Variants in LRRC8B observed in about 807,000 individuals in gnomAD.
LRRC8B encodes the protein volume-regulated anion channel subunit LRRC8B.
LRRC8B carries 23 observed loss-of-function variants against 58.8 expected under a neutral mutation model. The observed-to-expected ratio is 0.39, with a 90% CI of 0.28 to 0.55. The LOEUF (loss-of-function observed/expected upper bound fraction) is 0.55. LRRC8B is among the 20% of genes least tolerant of loss of function. LRRC8B has a pLI of 0.62. For missense variants in LRRC8B, 694 were observed against 936.0 expected (o/e 0.74, Z 3.37); for synonymous variants, 359 against 374.1 (o/e 0.96, Z 0.47).
At chr1:89,545,260 T>TTA (rs1482586352) in intron 1 of LRRC8B, among the ~76,000 whole-genome samples, 1 of 152,240 alleles carries the variant, frequency 6.6e-6, no homozygotes, top group Admixed American at 6.5e-5. Context: ...GGTCAATGAT[T>TTA]TCTGCATTTA....
intron 1 of LRRC8B, among the ~76,000 whole-genome samples, chr1:89,553,661 A>G (rs889737554): frequency 6.6e-6 from 1 of 152,214 alleles, no homozygotes. Context: ...CTGCTTCCTT[A>G]AAATCTAATT....
Position 89,538,710 on chromosome 1 carries a change from G to A in LRRC8B, c.-241+13688G>A, listed in dbSNP as rs893187964. Among the ~76,000 whole-genome samples the A allele has an allele frequency of 1.4e-5, 2 of 147,584 alleles. 1 individual carries two copies. The highest frequency in any genetic ancestry group is 3.0e-5 in the Non-Finnish European group (2 of 65,622). The stretch of plus-strand genomic sequence containing the variant: ...TAAAGGTTTAAATTAGCATCTTCGA[G>A]GTTTTTTTTTGTTTGTTTGTTTGTT... On this transcript the variant is annotated intron_variant, in intron 1 of 5. Transcript: ENST00000330947.
chr1:89,553,151 G>T (rs1057047691), intron 1 of LRRC8B, among the ~76,000 whole-genome samples: 1 of 152,124 alleles, frequency 6.6e-6, no homozygotes, highest in Non-Finnish European at 1.5e-5. Flanking sequence ...TAAAATTTCT[G>T]ACATGTAAAT....
rs757337757 is a variant in LRRC8B, at chr1:89,583,775, G to A, written c.1125G>A (p.Gln375=). The stretch of plus-strand genomic sequence containing the variant: ...CCTTCATCCTTCATCTGGCTGATCA[G>A]TATGATCCTCTTTATTCCAAACGCT... ...DFAFILHLAD[Q]YDPLYSKRFS... is the part of the protein sequence containing the mutation. The change falls in exon 5 of 6, where the codon CAG becomes CAA. Residue 375 remains glutamine (Q), a synonymous_variant. Transcript: ENST00000330947. The surrounding 1 kb of genome is among the most constrained non-coding windows in gnomAD (Gnocchi z 5.2). 6.2e-7 allele frequency: 1 copy of A among 1,614,198 alleles called. No homozygotes were observed. Among genetic ancestry groups the A allele is most frequent in the Non-Finnish European group, 8.5e-7 (1 of 1,180,042 alleles).
chr1:89,531,784 C>T (rs1650152103), intron 1 of LRRC8B, among the ~76,000 whole-genome samples: 1 of 152,166 alleles, frequency 6.6e-6, no homozygotes, highest in African/African-American at 2.4e-5. Flanking sequence ...CAAAATATGT[C>T]AAAGAAGTAT....
Position 89,596,699 on chromosome 1 carries a change from A to G in LRRC8B, c.*3656A>G, listed in dbSNP as rs970397737. ...TGTTGTTTTCCTTCTCCACTCACCT[A>G]CCGCACTAAATTTGATCAGCAATTG... On this transcript the variant is annotated 3_prime_UTR_variant, in exon 6 of 6. Coordinates refer to ENST00000330947, the MANE Select transcript of LRRC8B (RefSeq NM_001369817.2). 1.3e-5 allele frequency: 2 copies of G among 152,112 alleles called. No homozygotes were observed. The highest frequency in any genetic ancestry group is 2.9e-5 in the Non-Finnish European group (2 of 67,996). The allele number at this position is 152,112 out of a possible 1,614,324, so 9.4% of individuals were successfully genotyped here.
intron 3 of LRRC8B, among the ~76,000 whole-genome samples, chr1:89,570,780 C>A (rs1325339843): frequency 6.6e-6 from 1 of 152,136 alleles, no homozygotes; most frequent in African/African-American, 2.4e-5. Flanking sequence ...ATTATGAAAT[C>A]TTTGCCCATG....
intron 5 of LRRC8B, among the ~76,000 whole-genome samples, chr1:89,585,679 C>T (rs1373715351): frequency 2.6e-5 from 4 of 152,010 alleles, no homozygotes; most frequent in South Asian, 2.1e-4. Flanking sequence ...CGTGGTGGCA[C>T]GGACCTGAAG....
At chr1:89,590,006 T>C (rs1654879630) in intron 5 of LRRC8B, among the ~76,000 whole-genome samples, 1 of 152,220 alleles carries the variant, frequency 6.6e-6, no homozygotes, top group Non-Finnish European at 1.5e-5. Flanking sequence ...TTTTGTAGTT[T>C]ATCATATAGC....
At chr1:89,582,563 T>A (rs1426054084) in intron 4 of LRRC8B, 62 bp from the exon 5 acceptor site, 1 of 945,256 alleles carries the variant, frequency 1.1e-6, no homozygotes, top group Non-Finnish European at 1.6e-6. Flanking sequence ...GTATGAATAT[T>A]AGAGTAAAAT....
intron 1 of LRRC8B, among the ~76,000 whole-genome samples, chr1:89,533,746 A>G (rs922174755): frequency 2.6e-5 from 4 of 152,316 alleles, no homozygotes; most frequent in Middle Eastern, 3.4e-3. Context: ...CGTACATGGC[A>G]TACCGTGGGC....
intron 1 of LRRC8B, among the ~76,000 whole-genome samples, chr1:89,551,492 A>G (rs982756355): frequency 6.6e-6 from 1 of 152,070 alleles, no homozygotes; most frequent in Non-Finnish European, 1.5e-5. Context: ...TTTCCTGTTC[A>G]CTTTTTGTAC....
intron 4 of LRRC8B, among the ~76,000 whole-genome samples, chr1:89,581,931 T>C (rs1250082674): frequency 6.6e-6 from 1 of 152,186 alleles, no homozygotes; most frequent in Non-Finnish European, 1.5e-5. Flanking sequence ...GGCATAGAAT[T>C]GTAGACCCCA....
chr1:89,537,769 A>G (rs372281503), intron 1 of LRRC8B, among the ~76,000 whole-genome samples: 40 of 152,248 alleles, frequency 2.6e-4, no homozygotes, highest in African/African-American at 8.7e-4. Context: ...CACCACGCCT[A>G]TCCAGGATTG....
Position 89,584,214 on chromosome 1 carries a change from C to T in LRRC8B, c.1564C>T (p.Leu522Phe). 7 of 1,611,694 alleles carry T rather than the reference C, an allele frequency of 4.3e-6. No homozygotes were observed. Among genetic ancestry groups the T allele is most frequent in the Non-Finnish European group, 5.9e-6 (7 of 1,180,020 alleles). ...LKELYLSGCV[L>F]PEQLSTMQLE... The stretch of plus-strand genomic sequence containing the variant: ...GGAACTTTATCTTTCGGGCTGTGTT[C>T]TCCCTGAACAGTTGAGTACTATGCA... Residue 522 changes from leucine to phenylalanine, a missense_variant, in exon 5 of 6, where the codon CTC (leucine) becomes TTC (phenylalanine). By Grantham distance (22) the Leu-to-Phe change is conservative. Transcript: ENST00000330947.
intron 5 of LRRC8B, among the ~76,000 whole-genome samples, chr1:89,585,800 ACT>A (rs1374554559): frequency 6.6e-6 from 1 of 151,656 alleles, no homozygotes; most frequent in Non-Finnish European, 1.5e-5. Flanking sequence ...ACAGAGCGAG[ACT>A]CTGTCTCAAA....
intron 3 of LRRC8B, among the ~76,000 whole-genome samples, chr1:89,571,616 A>G (rs1653481534): frequency 1.3e-5 from 2 of 152,128 alleles, no homozygotes; most frequent in Admixed American, 1.3e-4. Context: ...GGTTTTCTAG[A>G]TATAAAACCA....
chr1:89,592,026 A>G (rs1421984764), intron 5 of LRRC8B, among the ~76,000 whole-genome samples: 5 of 152,086 alleles, frequency 3.3e-5, no homozygotes, highest in African/African-American at 1.2e-4. Context: ...TATTTCTTCT[A>G]TGTACTGTGG....
intron 1 of LRRC8B, among the ~76,000 whole-genome samples, chr1:89,538,610 A>G (rs1159987554): frequency 6.6e-6 from 1 of 152,220 alleles, no homozygotes; most frequent in East Asian, 1.9e-4. Flanking sequence ...TAGTACTACA[A>G]AGTAACTAAA....
Sources: allele counts gnomAD v4.1 joint callset (sites outside exome capture counted in the v4.1 genomes callset), GRCh38; gene constraint gnomAD v4.1.1; non-coding constraint Gnocchi (gnomAD v3.1); transcripts MANE v1.5; gene names NCBI Gene and HGNC (gene_info 2026-07-23, HGNC 2026-07-21).